ALPK1: variants seen among roughly 807,000 people sequenced by gnomAD.
ALPK1 encodes alpha kinase 1, also known as alpha-protein kinase 1.
In ALPK1, 110 loss-of-function variants were observed where a neutral mutation model predicts 120.6. The observed-to-expected ratio is 0.91, with a 90% CI of 0.78 to 1.07. The LOEUF is 1.07. ALPK1 is among the 50% of genes least tolerant of loss of function. The pLI is 0.00. For synonymous variants in ALPK1, 582 were observed against 560.3 expected, an observed-to-expected ratio of 1.04 and a Z score of -0.55; for missense variants, 1,498 against 1,483.9, an observed-to-expected ratio of 1.01 and a Z score of -0.16.
At chr4:112,349,550 T>TCCCC (rs1560647754) in intron 2 of ALPK1, among the ~76,000 whole-genome samples, 43 of 65,012 alleles carry the variant, frequency 6.6e-4, no homozygotes, top group South Asian at 1.6e-3. Context: ...CCCCAACCCC[T>TCCCC]GCCCCCCCCC....
chr4:112,358,524 CG>C, intron 2 of ALPK1: 1 of 677,368 alleles, frequency 1.5e-6, no homozygotes. Context: ...GCTGGGGACC[CG>C]GAGGGCAGCC....
chr4:112,389,980 C>T (rs1281167367), intron 4 of ALPK1, among the ~76,000 whole-genome samples: 1 of 152,226 alleles, frequency 6.6e-6, no homozygotes, highest in Non-Finnish European at 1.5e-5. Context: ...AGCTATATCT[C>T]ACCTGGGCTC....
chr4:112,341,952 G>A (rs552938647), intron 2 of ALPK1, among the ~76,000 whole-genome samples: 164 of 152,260 alleles, frequency 1.1e-3, no homozygotes, highest in Non-Finnish European at 1.3e-3. Context: ...GGAGTTCTGT[G>A]GAGAAAGAGC....
At chr4:112,316,914 G>A in intron 2 of ALPK1, among the ~76,000 whole-genome samples, 1 of 151,994 alleles carries the variant, frequency 6.6e-6, no homozygotes. Flanking sequence ...AACCAAAAAG[G>A]ATGTTTCTTC....
intron 2 of ALPK1, among the ~76,000 whole-genome samples, chr4:112,321,499 T>C (rs1728865810): frequency 6.6e-6 from 1 of 152,210 alleles, no homozygotes. Flanking sequence ...TGAACTTTCC[T>C]CTTATCACTG....
intron 2 of ALPK1, among the ~76,000 whole-genome samples, chr4:112,341,853 A>G (rs1367274069): frequency 6.6e-6 from 1 of 152,242 alleles, no homozygotes; most frequent in African/African-American, 2.4e-5. Flanking sequence ...TTGGTATTAC[A>G]GCATAATAAG....
At chr4:112,408,201 T>A (rs1733281543) in intron 4 of ALPK1, among the ~76,000 whole-genome samples, 1 of 152,042 alleles carries the variant, frequency 6.6e-6, no homozygotes, top group Non-Finnish European at 1.5e-5. Flanking sequence ...GCTATCTGAG[T>A]ACCCCCCAAG....
chr4:112,366,003 T>C (rs1247003010), intron 2 of ALPK1, among the ~76,000 whole-genome samples: 1 of 152,110 alleles, frequency 6.6e-6, no homozygotes, highest in Non-Finnish European at 1.5e-5. Context: ...TGGCAAGCCA[T>C]ATGTAGAAGA....
intron 1 of ALPK1, among the ~76,000 whole-genome samples, chr4:112,302,849 G>A (rs1329129403): frequency 6.6e-6 from 1 of 151,968 alleles, no homozygotes; most frequent in Non-Finnish European, 1.5e-5. Flanking sequence ...TCTACTCCTC[G>A]GCTCCATTTC....
chr4:112,429,228 C>T lies in ALPK1; in HGVS notation c.875C>T (p.Thr292Met), dbSNP rs34120296. The change falls in exon 10 of 16, where the codon ACG becomes ATG. Residue 292 changes from threonine (T) to methionine (M), a missense_variant. Thr to Met is a moderately conservative substitution (Grantham distance 81). Transcript: ENST00000650871. ...CKLAAAFSAY[T>M]PLFVLTAVNI... Reference sequence around the variant, plus strand: ...CTGGCAGCTGCCTTCAGTGCCTATACGCCGCTCTTCGTGCTCACAGCTGTG... The same window carrying T: ...CTGGCAGCTGCCTTCAGTGCCTATATGCCGCTCTTCGTGCTCACAGCTGTG... The T allele has an allele frequency of 9.8e-5, 158 of 1,612,638 alleles. No homozygotes were observed. In the East Asian group the frequency reaches 1.7e-3, roughly 18 times the overall value.
At chr4:112,333,992 A>G (rs781612017) in intron 2 of ALPK1, among the ~76,000 whole-genome samples, 1 of 152,078 alleles carries the variant, frequency 6.6e-6, no homozygotes, top group South Asian at 2.1e-4. Context: ...TTAACTTAAC[A>G]TAGAGCAACA....
At position 112,297,382 on chromosome 4, in the gene ALPK1, AGT is replaced by A; in HGVS notation, c.-235_-234del. 1 of 151,748 alleles carries A rather than the reference AGT, an allele frequency of 6.6e-6. No homozygotes were observed. Among genetic ancestry groups the A allele is most frequent in the Non-Finnish European group, 1.5e-5 (1 of 67,940 alleles). 9.4% of individuals were successfully genotyped at this position (151,748 alleles called of 1,614,324 possible). On this transcript the variant is annotated 5_prime_UTR_variant, in exon 1 of 16. It introduces an in-frame stop codon into an upstream open reading frame of the 5' UTR. Coordinates refer to ENST00000650871, the MANE Select transcript of ALPK1 (RefSeq NM_025144.4). ...GAAACTGAAGCCGTTTATGAGAAAC[AGT>A]GTGTTTCAGAGAGGCTGTACCAGAA...
intron 2 of ALPK1, chr4:112,356,672 A>C (rs1730635624): frequency 1.0e-6 from 1 of 953,410 alleles, no homozygotes; most frequent in Non-Finnish European, 1.7e-6. Flanking sequence ...AGAAGAGAAA[A>C]GCCTGGAGCA....
intron 7 of ALPK1, 42 bp downstream of exon 7, chr4:112,425,793 A>G (rs1479963775): frequency 1.3e-5 from 20 of 1,507,044 alleles, no homozygotes; most frequent in Admixed American, 6.8e-5. Context: ...GCTCATTTAC[A>G]AAGCCTGGCT....
intron 3 of ALPK1, 102 bp downstream of exon 3, chr4:112,378,000 T>TAA: frequency 8.5e-7 from 1 of 1,177,354 alleles, no homozygotes; most frequent in South Asian, 2.9e-5. Flanking sequence ...TTTCTTCTCT[T>TAA]GGCAGATGAC....
chr4:112,375,184 T>C (rs915743537), intron 2 of ALPK1, among the ~76,000 whole-genome samples: 2 of 149,154 alleles, frequency 1.3e-5, no homozygotes, highest in East Asian at 1.9e-4. Flanking sequence ...GTTTTTCTTT[T>C]TTTTTTTTTT....
chr4:112,339,563 G>A (rs1478116913), intron 2 of ALPK1, among the ~76,000 whole-genome samples: 1 of 152,022 alleles, frequency 6.6e-6, no homozygotes, highest in African/African-American at 2.4e-5. Context: ...CATTATTAAA[G>A]GAATGTCATC....
rs231255 is a variant in ALPK1 at position 112,442,205 on chromosome 4, G to T, written c.*995G>T. ...TTACCTCCTACCAGGTCCTTCCCAT[G>T]ACACATGGGAATTATGGGACTACAA... On this transcript the variant is annotated 3_prime_UTR_variant, in exon 16 of 16. Transcript: ENST00000650871. 24,811 of 152,146 alleles carry T rather than the reference G, an allele frequency of 0.16. 2,494 individuals carry two copies. The highest frequency in any genetic ancestry group is 0.22 in the Non-Finnish European group (15,250 of 67,988). The allele number at this position is 152,146 out of a possible 1,614,324, so 9.4% of individuals were successfully genotyped here. A position where few individuals can be genotyped will look rare whatever the true frequency, so the allele number is the denominator to read the frequency against.
In ALPK1 at chr4:112,341,201, C is replaced by T. The variant is rs369151935; in HGVS notation, c.-101+25349C>T. 1.1e-4 allele frequency among the ~76,000 whole-genome samples: 16 copies of T among 152,276 alleles called. No individual in the cohort carries two copies. The East Asian group carries it at 2.7e-3, about 26-fold the overall frequency. On this transcript the variant is annotated intron_variant, in intron 2 of 15. Coordinates refer to ENST00000650871, the MANE Select transcript of ALPK1 (RefSeq NM_025144.4). ...GGATGGTAATACATATTCATGAAAG[C>T]GTGTTCTTTCCAGTCCCTGTTAACA...
Sources: gnomAD v4.1 joint callset for allele counts (sites outside exome capture counted in the v4.1 genomes callset) on GRCh38, gnomAD v4.1.1 for gene constraint, MANE v1.5 for transcripts, NCBI Gene and HGNC (gene_info 2026-07-23, HGNC 2026-07-21) for gene names.